The following PLEKHA7 variants were observed in gnomAD, a reference collection of about 807,000 sequenced individuals.
PLEKHA7 encodes pleckstrin homology domain-containing family A member 7.
In PLEKHA7, 104 loss-of-function variants were observed where a neutral mutation model predicts 170.0. That is an observed-to-expected ratio of 0.61 (90% CI 0.52 to 0.72). The LOEUF is 0.72. Among genes scored for constraint, PLEKHA7 ranks in the 30% least tolerant of loss-of-function variants. PLEKHA7 has a pLI of 0.00. For synonymous variants in PLEKHA7, 648 were observed against 660.8 expected (o/e 0.98, Z 0.30); for missense variants, 1,615 against 1,671.7 (o/e 0.97, Z 0.59).
At chr11:16,819,255 G>A (rs1287861908) in intron 10 of PLEKHA7, among the ~76,000 whole-genome samples, 1 of 152,046 alleles carries the variant, frequency 6.6e-6, no homozygotes, top group Non-Finnish European at 1.5e-5. Context: ...GCACCACCAC[G>A]CCTGGCTAAT....
At chr11:16,967,553 C>T (rs967608146) in intron 3 of PLEKHA7, among the ~76,000 whole-genome samples, 5 of 152,202 alleles carry the variant, frequency 3.3e-5, no homozygotes, top group Admixed American at 3.3e-4. Flanking sequence ...TGGGGCCCAC[C>T]CCTCACAAGG....
chr11:16,827,957 C>T (rs2134993970), intron 9 of PLEKHA7, among the ~76,000 whole-genome samples: 1 of 152,244 alleles, frequency 6.6e-6, no homozygotes, highest in South Asian at 2.1e-4. Context: ...GGTGGCCACA[C>T]CCCAGGTGTC....
chr11:16,801,632 G>A (rs746450112), intron 16 of PLEKHA7, 36 bp downstream of exon 16: 36 of 1,612,594 alleles, frequency 2.2e-5, no homozygotes, highest in African/African-American at 4.0e-5. Context: ...TGCTCAGCCC[G>A]TCCTGAGGGA....
chr11:16,924,949 A>G (rs547234348), intron 3 of PLEKHA7, among the ~76,000 whole-genome samples: 1 of 152,194 alleles, frequency 6.6e-6, no homozygotes, highest in Non-Finnish European at 1.5e-5. Flanking sequence ...AAGCCTCTGC[A>G]TTCCTCCGGG....
At chr11:16,811,796 G>A (rs145948941) in intron 13 of PLEKHA7, among the ~76,000 whole-genome samples, 13 of 152,264 alleles carry the variant, frequency 8.5e-5, no homozygotes, top group African/African-American at 2.9e-4. Context: ...AGAGTCAACA[G>A]CCTGCATGAC....
chr11:16,878,815 C>G (rs414219), intron 3 of PLEKHA7, among the ~76,000 whole-genome samples: 16,838 of 152,250 alleles, frequency 0.11, 1,150 homozygotes, highest in East Asian at 0.16. Flanking sequence ...ACTCAAGTAA[C>G]AGAGACAAGA....
At chr11:16,974,220 T>C (rs1179637864) in intron 3 of PLEKHA7, among the ~76,000 whole-genome samples, 2 of 151,198 alleles carry the variant, frequency 1.3e-5, no homozygotes, top group African/African-American at 4.9e-5. Context: ...CGAGCCAGGA[T>C]TGTGCCACCA....
intron 6 of PLEKHA7, 38 bp from the exon 7 acceptor site, chr11:16,852,393 G>A: frequency 6.3e-7 from 1 of 1,580,416 alleles, no homozygotes; most frequent in Non-Finnish European, 8.7e-7. Context: ...TAATATCTGA[G>A]CATACTGTTG....
chr11:16,946,699 A>T (rs1429615439), intron 3 of PLEKHA7, among the ~76,000 whole-genome samples: 1 of 152,166 alleles, frequency 6.6e-6, no homozygotes, highest in Non-Finnish European at 1.5e-5. Context: ...TGTAGAAAAC[A>T]GCATAAAAGT....
At chr11:16,887,830 G>T (rs1302078338) in intron 3 of PLEKHA7, among the ~76,000 whole-genome samples, 1 of 152,162 alleles carries the variant, frequency 6.6e-6, no homozygotes, top group African/African-American at 2.4e-5. Flanking sequence ...TCTGGGAAGT[G>T]AGGAGCGTCT....
At chr11:16,968,016 G>A (rs191454934) in intron 3 of PLEKHA7, among the ~76,000 whole-genome samples, 2 of 152,286 alleles carry the variant, frequency 1.3e-5, no homozygotes, top group Admixed American at 1.3e-4. Context: ...TGGAGAGACG[G>A]AGGGAAAGAA....
Position 16,816,940 on chromosome 11 carries a change from G to A in PLEKHA7, c.1726C>T (p.Pro576Ser). The A allele has an allele frequency of 1.2e-6, 2 of 1,613,330 alleles. No individual in the cohort carries two copies. Among genetic ancestry groups the A allele is most frequent in the Non-Finnish European group, 1.7e-6 (2 of 1,179,606 alleles). ...GGTGGGAAGACCCTTGGGGGTCCTG[G>A]GGGAGGGATGTCCGAGGGAGATGGA... ...VPPSPSDIPP[P>S]GPPRVFPPRR... Residue 576 changes from proline (P) to serine (S), a missense_variant, in exon 11 of 27, where the codon CCA (proline) becomes TCA (serine). Coordinates refer to ENST00000531066, the MANE Select transcript of PLEKHA7 (RefSeq NM_001329630.2).
intron 10 of PLEKHA7, among the ~76,000 whole-genome samples, chr11:16,821,376 C>T (rs751834133): frequency 7.2e-5 from 11 of 152,088 alleles, no homozygotes; most frequent in Admixed American, 1.3e-4. Context: ...AAAATGAAAG[C>T]CTAAAATTTC....
intron 14 of PLEKHA7, 65 bp from the exon 15 acceptor site, chr11:16,803,117 A>C: frequency 6.4e-7 from 1 of 1,565,896 alleles, no homozygotes; most frequent in Non-Finnish European, 8.8e-7. Flanking sequence ...TTGGGATTGC[A>C]ATCAGACAGC....
chr11:16,944,076 G>A lies in PLEKHA7; in HGVS notation c.221+69913C>T, dbSNP rs368865506. ...CACCTTGAAAGAATTAAAGTGGGCCGGGTGCGGTGGCTCACACCTGAAATC... is the reference window on the plus strand; with the variant it reads ...CACCTTGAAAGAATTAAAGTGGGCCAGGTGCGGTGGCTCACACCTGAAATC... On this transcript the variant is annotated intron_variant, in intron 3 of 26. Coordinates refer to ENST00000531066, the MANE Select transcript of PLEKHA7 (RefSeq NM_001329630.2). Among the ~76,000 whole-genome samples, 227 of 152,274 alleles carry A rather than the reference G, an allele frequency of 1.5e-3. 2 individuals are homozygous for A. Among genetic ancestry groups the A allele is most frequent in the African/African-American group, 5.0e-3 (209 of 41,560 alleles).
In PLEKHA7 at chr11:16,960,578, T is replaced by C. The variant is rs564963338; in HGVS notation, c.221+53411A>G. ...CCTTCCCTCATCTGTGACCTTCCCA[T>C]GTGAAGTATCCAGCACAGAGTCCCC... On this transcript the variant is annotated intron_variant, in intron 3 of 26. Transcript: ENST00000531066. Among the ~76,000 whole-genome samples, 6 of 152,172 alleles carry C rather than the reference T, an allele frequency of 3.9e-5. No individual in the cohort carries two copies. In the South Asian group the frequency reaches 1.2e-3, roughly 32 times the overall value.
At chr11:16,990,926 G>A (rs1425995301) in intron 3 of PLEKHA7, among the ~76,000 whole-genome samples, 1 of 152,224 alleles carries the variant, frequency 6.6e-6, no homozygotes, top group African/African-American at 2.4e-5. Flanking sequence ...AACTCAATGG[G>A]CATTTGAATA....
intron 25 of PLEKHA7, 60 bp downstream of exon 25, chr11:16,783,640 G>A (rs923257855): frequency 5.2e-6 from 7 of 1,333,720 alleles, no homozygotes; most frequent in Admixed American, 7.4e-5. Context: ...GGGCCCACAT[G>A]GTAGAGACGC....
chr11:17,008,448 G>A (rs767581614), intron 3 of PLEKHA7, among the ~76,000 whole-genome samples: 1 of 152,222 alleles, frequency 6.6e-6, no homozygotes, highest in Non-Finnish European at 1.5e-5. Flanking sequence ...AACAGCAAGC[G>A]ACTGTATCCA....
Sources: allele counts gnomAD v4.1 joint callset (sites outside exome capture counted in the v4.1 genomes callset), GRCh38; gene constraint gnomAD v4.1.1; transcripts MANE v1.5; gene names NCBI Gene and HGNC (gene_info 2026-07-23, HGNC 2026-07-21).